GABRA3: variants seen among roughly 807,000 people sequenced by gnomAD.
The protein encoded by GABRA3 is gamma-aminobutyric acid type A receptor subunit alpha3, also known as gamma-aminobutyric acid receptor subunit alpha-3.
Under a neutral mutation model 30.1 loss-of-function variants are expected in GABRA3, and 10 were observed. The observed-to-expected ratio is 0.33, with a 90% confidence interval of 0.20 to 0.56. GABRA3 has a LOEUF of 0.56. Ranked by LOEUF, GABRA3 falls within the 20% of genes least tolerant of loss-of-function variation. The pLI, the probability that GABRA3 is intolerant of heterozygous loss-of-function variation, is 0.89. For synonymous variants in GABRA3, 151 were observed against 146.8 expected, an observed-to-expected ratio of 1.03 and a Z score of -0.21; for missense variants, 233 against 392.0, an observed-to-expected ratio of 0.59 and a Z score of 3.42.
chrX:152,288,375 T>C (rs975452087), intron 3 of GABRA3, among the ~76,000 whole-genome samples: 3 of 112,577 alleles, frequency 2.7e-5, no homozygotes, highest in Non-Finnish European at 5.6e-5. Flanking sequence ...TGCTCTTTTG[T>C]GTGCCTTTGT....
At chrX:152,332,530 G>A (rs1940178672) in intron 3 of GABRA3, among the ~76,000 whole-genome samples, 1 of 112,226 alleles carries the variant, frequency 8.9e-6, no homozygotes, top group Non-Finnish European at 1.9e-5. Context: ...TATTTGATAG[G>A]TTATTTACAT....
intron 2 of GABRA3, 32 bp from the exon 3 acceptor site, chrX:152,345,734 A>C (rs1940382777): frequency 1.8e-6 from 2 of 1,131,670 alleles, no homozygotes; most frequent in Non-Finnish European, 2.3e-6. Flanking sequence ...AAAAAAAATA[A>C]TAGTTCTTAA....
chrX:152,174,147 T>C (rs1937041044), intron 9 of GABRA3, among the ~76,000 whole-genome samples: 1 of 111,264 alleles, frequency 9.0e-6, no homozygotes, highest in African/African-American at 3.3e-5. Flanking sequence ...TGCATAGTAT[T>C]CCATGGTGTA....
chrX:152,413,233 A>T (rs977531447), intron 1 of GABRA3, among the ~76,000 whole-genome samples: 3 of 107,355 alleles, frequency 2.8e-5, no homozygotes, highest in Non-Finnish European at 3.9e-5. Context: ...ACCATATATT[A>T]AAAAAAAAAT....
intron 1 of GABRA3, among the ~76,000 whole-genome samples, chrX:152,367,505 C>T (rs910031130): frequency 1.4e-4 from 16 of 111,802 alleles, no homozygotes; most frequent in African/African-American, 3.9e-4. Context: ...AACAAATAGA[C>T]GAAAATATCA....
intron 3 of GABRA3, among the ~76,000 whole-genome samples, chrX:152,305,214 G>A (rs760753186): frequency 3.9e-4 from 43 of 110,465 alleles, no homozygotes; most frequent in South Asian, 1.2e-3. Flanking sequence ...GGAGCTAAAC[G>A]ATGGGTAGAG....
At chrX:152,169,183 G>C (rs760649283) in intron 9 of GABRA3, among the ~76,000 whole-genome samples, 5 of 112,559 alleles carry the variant, frequency 4.4e-5, no homozygotes, top group Admixed American at 3.8e-4. Flanking sequence ...TCTCCTGTGA[G>C]GAAGAGAGCT....
chrX:152,173,675 C>T (rs1023852123), intron 9 of GABRA3, among the ~76,000 whole-genome samples: 7 of 110,469 alleles, frequency 6.3e-5, no homozygotes, highest in Admixed American at 3.8e-4. Context: ...AGGCTGGTCT[C>T]GAACTCCTGA....
chrX:152,406,266 C>T (rs974526959), intron 1 of GABRA3, among the ~76,000 whole-genome samples: 1 of 110,047 alleles, frequency 9.1e-6, no homozygotes, highest in African/African-American at 3.3e-5. Flanking sequence ...CTAAATTTTC[C>T]AATAAAAGAT....
chrX:152,365,032 G>C (rs1304247511), intron 1 of GABRA3, among the ~76,000 whole-genome samples: 1 of 111,438 alleles, frequency 9.0e-6, no homozygotes, highest in Non-Finnish European at 1.9e-5. Flanking sequence ...CCAATTCCCT[G>C]TTTGATCTTT....
chrX:152,437,845 C>T (rs1488956475), intron 1 of GABRA3, among the ~76,000 whole-genome samples: 2 of 112,044 alleles, frequency 1.8e-5, no homozygotes, highest in Non-Finnish European at 3.8e-5. Flanking sequence ...AAAGACCTTA[C>T]ATTCTTAACA....
intron 3 of GABRA3, among the ~76,000 whole-genome samples, chrX:152,311,178 G>A (rs1028441665): frequency 9.0e-6 from 1 of 111,411 alleles, no homozygotes; most frequent in African/African-American, 3.3e-5. Flanking sequence ...CAAAAAATGA[G>A]GAGAAGGGAC....
chrX:152,416,582 A>C (rs1930226186), intron 1 of GABRA3, among the ~76,000 whole-genome samples: 1 of 110,738 alleles, frequency 9.0e-6, no homozygotes. Context: ...CTAAGCCAAA[A>C]GAACAAAGCT....
At chrX:152,174,476 C>T (rs1222204316) in intron 9 of GABRA3, among the ~76,000 whole-genome samples, 28 of 111,897 alleles carry the variant, frequency 2.5e-4, no homozygotes, top group African/African-American at 5.2e-4. Flanking sequence ...TTTTAACGAT[C>T]GCCATTCTAA....
At chrX:152,354,940 C>T (rs1039463600) in intron 2 of GABRA3, among the ~76,000 whole-genome samples, 1 of 111,897 alleles carries the variant, frequency 8.9e-6, no homozygotes, top group Admixed American at 9.5e-5. Flanking sequence ...AGGGTTTGGA[C>T]TTTTCATACT....
chrX:152,330,849 TA>T (rs1033961191), intron 3 of GABRA3, among the ~76,000 whole-genome samples: 4 of 111,325 alleles, frequency 3.6e-5, no homozygotes, highest in African/African-American at 1.3e-4. Flanking sequence ...AAAAGTATAA[TA>T]AAAAAAGAAA....
chrX:152,346,820 C>T (rs1940399497), intron 2 of GABRA3, among the ~76,000 whole-genome samples: 1 of 111,695 alleles, frequency 9.0e-6, no homozygotes, highest in South Asian at 3.8e-4. Context: ...AAATGGCTTA[C>T]ATCCAAAAGA....
intron 4 of GABRA3, among the ~76,000 whole-genome samples, chrX:152,263,274 C>A (rs1235800163): frequency 3.6e-5 from 4 of 110,620 alleles, no homozygotes; most frequent in Non-Finnish European, 5.7e-5. Flanking sequence ...AGATATGTGA[C>A]CTTTCAGAGA....
At chrX:152,320,526 G>A (rs1269667113) in intron 3 of GABRA3, among the ~76,000 whole-genome samples, 1 of 111,134 alleles carries the variant, frequency 9.0e-6, no homozygotes, top group Non-Finnish European at 1.9e-5. Flanking sequence ...AAACTATGAG[G>A]ATGCAAAGGT....
Sources: allele counts gnomAD v4.1 joint callset (sites outside exome capture counted in the v4.1 genomes callset), GRCh38; gene constraint gnomAD v4.1.1; transcripts MANE v1.5; gene names NCBI Gene and HGNC (gene_info 2026-07-23, HGNC 2026-07-21).